FAM20B: variants seen among roughly 807,000 people sequenced by gnomAD.
The protein encoded by FAM20B is FAM20B glycosaminoglycan xylosylkinase.
FAM20B carries 23 observed loss-of-function variants against 43.8 expected under a neutral mutation model. That is an observed-to-expected ratio of 0.53 (90% CI 0.38 to 0.74). The LOEUF (loss-of-function observed/expected upper bound fraction) is 0.74, where lower values mean the gene tolerates loss of function less well. Ranked by LOEUF, FAM20B falls within the 30% of genes least tolerant of loss-of-function variation. The pLI is 0.00. For missense variants in FAM20B, 440 were observed against 510.5 expected (o/e 0.86, Z 1.33); for synonymous variants, 178 against 192.4 (o/e 0.93, Z 0.62).
At chr1:179,042,748 C>T (rs1650596560) in intron 1 of FAM20B, among the ~76,000 whole-genome samples, 1 of 152,180 alleles carries the variant, frequency 6.6e-6, no homozygotes, top group South Asian at 2.1e-4. Flanking sequence ...CTTTCTGCAG[C>T]CATGTTGTTC....
At chr1:179,026,867 C>T (rs942938711) in intron 1 of FAM20B, among the ~76,000 whole-genome samples, 2 of 152,224 alleles carry the variant, frequency 1.3e-5, no homozygotes, top group Non-Finnish European at 2.9e-5. Context: ...AATCTGACTT[C>T]TGTTAACCTG....
chr1:179,056,823 A>T (rs954225669), intron 4 of FAM20B, among the ~76,000 whole-genome samples: 1 of 152,152 alleles, frequency 6.6e-6, no homozygotes, highest in Non-Finnish European at 1.5e-5. Flanking sequence ...GATTTTGACT[A>T]TTCTAATCTA....
chr1:179,056,063 A>G (rs1441249861), intron 4 of FAM20B, among the ~76,000 whole-genome samples: 1 of 152,220 alleles, frequency 6.6e-6, no homozygotes, highest in Non-Finnish European at 1.5e-5. Context: ...TCACATGCAT[A>G]GTTTCCCCCA....
chr1:179,071,404 C>A (rs1459952205), intron 7 of FAM20B, among the ~76,000 whole-genome samples: 1 of 152,144 alleles, frequency 6.6e-6, no homozygotes, highest in Non-Finnish European at 1.5e-5. Flanking sequence ...TAAGGATTAA[C>A]GTCTAAGGAT....
At chr1:179,061,134 A>G (rs1651450231) in intron 4 of FAM20B, among the ~76,000 whole-genome samples, 5 of 142,156 alleles carry the variant, frequency 3.5e-5, no homozygotes, top group Admixed American at 3.0e-4. Flanking sequence ...GCTGGAGTGC[A>G]GTGGCACAAT....
chr1:179,045,973 A>G (rs987801156), intron 2 of FAM20B, among the ~76,000 whole-genome samples: 5 of 152,044 alleles, frequency 3.3e-5, no homozygotes, highest in African/African-American at 1.2e-4. Context: ...ACTATTTGCC[A>G]GGGATTACAC....
In FAM20B at chr1:179,066,802, T is replaced by G; in HGVS notation, c.941T>G (p.Phe314Cys). Residue 314 changes from phenylalanine to cysteine, a missense_variant and splice_region_variant, in exon 7 of 8, where the codon TTT becomes TGT. Transcript: ENST00000263733. Reference sequence around the variant, plus strand: ...CTAAGTTTTAATTTAATTTTCAGCTTTGGGAACCCCTCGCTGGATGAAAGA... The same window carrying G: ...CTAAGTTTTAATTTAATTTTCAGCTGTGGGAACCCCTCGCTGGATGAAAGA... ...MLILLDNAKS[F>C]GNPSLDERSI... The G allele has an allele frequency of 1.2e-6, 2 of 1,610,564 alleles. No individual in the cohort carries two copies. Among genetic ancestry groups the G allele is most frequent in the Non-Finnish European group, 1.7e-6 (2 of 1,176,716 alleles).
At chr1:179,066,001 C>T (rs1651675250) in intron 6 of FAM20B, among the ~76,000 whole-genome samples, 1 of 152,166 alleles carries the variant, frequency 6.6e-6, no homozygotes, top group South Asian at 2.1e-4. Flanking sequence ...CATGTGGGCT[C>T]TTCCCTCGTA....
At chr1:179,027,450 A>G (rs986584664) in intron 1 of FAM20B, among the ~76,000 whole-genome samples, 9 of 152,188 alleles carry the variant, frequency 5.9e-5, no homozygotes, top group Admixed American at 2.0e-4. Context: ...ATTTGCCCAG[A>G]CTCATAGCCA....
At chr1:179,029,617 A>G (rs1269107964) in intron 1 of FAM20B, among the ~76,000 whole-genome samples, 2 of 152,214 alleles carry the variant, frequency 1.3e-5, no homozygotes, top group African/African-American at 2.4e-5. Flanking sequence ...CTTTCTGGCA[A>G]GATAACCCCT....
rs41267584 is a variant in FAM20B, at chr1:179,054,679, A to G, written c.574+41A>G. 3,073 of 1,214,046 alleles carry G rather than the reference A, an allele frequency of 2.5e-3. 10 individuals are homozygous for G. The highest frequency in any genetic ancestry group is 3.1e-3 in the Non-Finnish European group (2,574 of 827,454). 75.2% of individuals were successfully genotyped at this position (1,214,046 alleles called of 1,614,324 possible). ...AGGACATTTATATAGGGGAATGATT[A>G]ATAAGTTAAAATGGGGCATTGTTGA... On this transcript the variant is annotated intron_variant, in intron 4 of 7. Transcript: ENST00000263733.
chr1:179,054,408 G>A (rs1353600724), intron 3 of FAM20B, 121 bp from the exon 4 acceptor site: 3 of 577,348 alleles, frequency 5.2e-6, no homozygotes, highest in Admixed American at 5.6e-5. Context: ...AAAAAATTAG[G>A]TTTAGCTACT....
In FAM20B at chr1:179,064,454, A is replaced by T. The variant is rs1458291514; in HGVS notation, c.896A>T (p.Asp299Val). 2 of 1,614,028 alleles carry T rather than the reference A, an allele frequency of 1.2e-6. No homozygotes were observed. The highest frequency in any genetic ancestry group is 1.3e-5 in the African/African-American group (1 of 74,926). ...CATCACTATGAGAGCTTTCAAGATG[A>T]TGAAGGCGCTAGTATGCTCATCCTT... ...DRHHYESFQD[D>V]EGASMLILLD... is the part of the protein sequence containing the mutation. Residue 299 changes from aspartate to valine, a missense_variant, in exon 6 of 8, where the codon GAT becomes GTT. Asp to Val is a radical substitution (Grantham distance 152, BLOSUM62 -3). Transcript: ENST00000263733.
At chr1:179,051,122 TAAAAA>T (rs71108087) in intron 3 of FAM20B, among the ~76,000 whole-genome samples, 1 of 140,798 alleles carries the variant, frequency 7.1e-6, no homozygotes. Flanking sequence ...ACTCTGTCTT[TAAAAA>T]AAAAAAAAAA....
intron 6 of FAM20B, among the ~76,000 whole-genome samples, chr1:179,065,398 A>G (rs1651647593): frequency 6.6e-6 from 1 of 152,108 alleles, no homozygotes; most frequent in Non-Finnish European, 1.5e-5. Context: ...CGACCTCTCA[A>G]AGTGCTGGGA....
At chr1:179,029,215 C>G (rs917040589) in intron 1 of FAM20B, among the ~76,000 whole-genome samples, 4 of 152,236 alleles carry the variant, frequency 2.6e-5, no homozygotes, top group Non-Finnish European at 2.9e-5. Context: ...GGAGTTATCC[C>G]TTTTTAAGAG....
chr1:179,030,408 C>T (rs1649959565), intron 1 of FAM20B, among the ~76,000 whole-genome samples: 1 of 152,134 alleles, frequency 6.6e-6, no homozygotes. Flanking sequence ...TGTCTTGTAT[C>T]ATCCTTGGGC....
rs917551160 is a variant in FAM20B, at chr1:179,076,171, T to G, written c.*4027T>G. On this transcript the variant is annotated 3_prime_UTR_variant, in exon 8 of 8. Coordinates refer to ENST00000263733, the MANE Select transcript of FAM20B (RefSeq NM_014864.4). Reference sequence around the variant, plus strand: ...GTGTGCCAGCACAGGCCAGACATACTAGTGAGCCAGGCACATCTGGCCTTG... The same window carrying G: ...GTGTGCCAGCACAGGCCAGACATACGAGTGAGCCAGGCACATCTGGCCTTG... 2 of 152,068 alleles carry G rather than the reference T, an allele frequency of 1.3e-5. No homozygotes were observed. The highest frequency in any genetic ancestry group is 2.9e-5 in the Non-Finnish European group (2 of 68,018). The allele number at this position is 152,068 out of a possible 1,614,324, so 9.4% of individuals were successfully genotyped here.
Position 179,028,477 on chromosome 1 carries a change from G to C in FAM20B, c.-134+2379G>C, listed in dbSNP as rs184331363. 5.5e-3 allele frequency among the ~76,000 whole-genome samples: 834 copies of C among 152,308 alleles called. 10 individuals are homozygous for C. The highest frequency in any genetic ancestry group is 0.019 in the African/African-American group (790 of 41,568). ...CACGCCTGTAGTCCCAGCTACTCAG[G>C]AGGCTGAGGCAGGAGAATCGCTTGA... On this transcript the variant is annotated intron_variant, in intron 1 of 7. Transcript: ENST00000263733.
Sources: gnomAD v4.1 joint callset for allele counts (sites outside exome capture counted in the v4.1 genomes callset) on GRCh38, gnomAD v4.1.1 for gene constraint, MANE v1.5 for transcripts, NCBI Gene and HGNC (gene_info 2026-07-23, HGNC 2026-07-21) for gene names.